The following ANKEF1 variants were observed in gnomAD, a reference collection of about 807,000 sequenced individuals.
ANKEF1 encodes the protein ankyrin repeat and EF-hand domain-containing protein 1.
ANKEF1 carries 43 observed loss-of-function variants against 65.1 expected under a neutral mutation model. That is an observed-to-expected ratio of 0.66 (90% CI 0.52 to 0.85). The LOEUF is 0.85. ANKEF1 is among the 40% of genes least tolerant of loss of function. The pLI is 0.00. For missense variants in ANKEF1, 934 were observed against 952.9 expected, an observed-to-expected ratio of 0.98 and a Z score of 0.26; for synonymous variants, 316 against 341.5, an observed-to-expected ratio of 0.93 and a Z score of 0.82.
intron 2 of ANKEF1, among the ~76,000 whole-genome samples, chr20:10,037,141 CTT>C (rs1983906024): frequency 1.3e-5 from 2 of 152,154 alleles, no homozygotes; most frequent in Admixed American, 6.5e-5. Flanking sequence ...AAGATGGAAT[CTT>C]TTCATTGCAA....
intron 3 of ANKEF1, among the ~76,000 whole-genome samples, chr20:10,039,542 G>C (rs1984051574): frequency 6.6e-6 from 1 of 152,122 alleles, no homozygotes; most frequent in South Asian, 2.1e-4. Flanking sequence ...AACAAAAGAG[G>C]ACAAAGAAAA....
At chr20:10,038,166 C>G (rs1983966302) in intron 2 of ANKEF1, 92 bp from the exon 3 acceptor site, 5 of 520,022 alleles carry the variant, frequency 9.6e-6, no homozygotes, top group Non-Finnish European at 1.7e-5. Flanking sequence ...AAAACAATCT[C>G]TGTTCTTAAG....
At chr20:10,048,285 T>C (rs1984637960) in intron 6 of ANKEF1, among the ~76,000 whole-genome samples, 1 of 152,066 alleles carries the variant, frequency 6.6e-6, no homozygotes, top group Non-Finnish European at 1.5e-5. Flanking sequence ...ACTTTTTATT[T>C]TTTTGATAGT....
chr20:10,038,218 A>G (rs1490022078), intron 2 of ANKEF1, 40 bp from the exon 3 acceptor site: 2 of 848,316 alleles, frequency 2.4e-6, no homozygotes, highest in Non-Finnish European at 3.5e-6. Context: ...TGAAGATGAT[A>G]AAATTAACTT....
intron 10 of ANKEF1, 131 bp from the exon 11 acceptor site, chr20:10,055,371 T>G (rs1985085480): frequency 2.6e-6 from 2 of 780,308 alleles, no homozygotes; most frequent in Non-Finnish European, 4.0e-6. Flanking sequence ...AAAGTAAATT[T>G]AATAGTTTTA....
intron 7 of ANKEF1, 78 bp from the exon 8 acceptor site, chr20:10,051,585 G>A (rs1175809965): frequency 1.1e-5 from 13 of 1,137,416 alleles, no homozygotes; most frequent in Admixed American, 2.2e-5. Context: ...AGAACTCTAT[G>A]AAATCTTACT....
At chr20:10,036,991 G>A (rs982797442) in intron 2 of ANKEF1, among the ~76,000 whole-genome samples, 2 of 152,122 alleles carry the variant, frequency 1.3e-5, no homozygotes, top group African/African-American at 4.8e-5. Flanking sequence ...CATTGGTGTT[G>A]GATGGAAGCA....
intron 8 of ANKEF1, 79 bp downstream of exon 8, chr20:10,051,968 C>A: frequency 8.9e-7 from 1 of 1,128,000 alleles, no homozygotes; most frequent in Non-Finnish European, 1.2e-6. Context: ...TGATTCTATT[C>A]TCGTAGGCTT....
Position 10,053,215 on chromosome 20 carries a change from A to C in ANKEF1, c.1974A>C (p.Lys658Asn). The C allele has an allele frequency of 1.2e-6, 2 of 1,613,674 alleles. No individual in the cohort carries two copies. The highest frequency in any genetic ancestry group is 1.1e-5 in the South Asian group (1 of 91,024). Residue 658 changes from lysine (K) to asparagine (N), a missense_variant, in exon 9 of 11, where the codon AAA becomes AAC. Lys to Asn is a moderately conservative substitution (Grantham distance 94, BLOSUM62 0). Coordinates refer to ENST00000378392, the MANE Select transcript of ANKEF1 (RefSeq NM_022096.6). ...DNLPKPAENQ[K>N]LKGKTPPILK... is the part of the protein sequence containing the mutation. ...TGCCGAAACCAGCAGAAAATCAAAAACTAAAAGGCAAGACACCTCCTATAC... is the reference window on the plus strand; with the variant it reads ...TGCCGAAACCAGCAGAAAATCAAAACCTAAAAGGCAAGACACCTCCTATAC...
At chr20:10,043,374 A>C in intron 4 of ANKEF1, 53 bp downstream of exon 4, 1 of 1,517,610 alleles carries the variant, frequency 6.6e-7, no homozygotes, top group Non-Finnish European at 9.1e-7. Flanking sequence ...ACAGCATAGT[A>C]TAATCTTTTC....
At position 10,051,832 on chromosome 20, in the gene ANKEF1, G is replaced by A. The variant is rs1568516713; in HGVS notation, c.1813G>A (p.Asp605Asn). Residue 605 changes from aspartate (D) to asparagine (N), a missense_variant, in exon 8 of 11, where the codon GAT becomes AAT. By Grantham distance (23) the Asp-to-Asn change is conservative. Coordinates refer to ENST00000378392, the MANE Select transcript of ANKEF1 (RefSeq NM_022096.6). ...TAGAGCCATTGAAAGCTGCAGACTGGATACAGTAAAATACCTACTTGATAT... is the reference window on the plus strand; with the variant it reads ...TAGAGCCATTGAAAGCTGCAGACTGAATACAGTAAAATACCTACTTGATAT... ...LNRAIESCRL[D>N]TVKYLLDIGA... 15 of 1,613,268 alleles carry A rather than the reference G, an allele frequency of 9.3e-6. No homozygotes were observed. Among genetic ancestry groups the A allele is most frequent in the Non-Finnish European group, 1.2e-5 (14 of 1,179,786 alleles).
At chr20:10,047,084 C>A (rs934320711) in intron 6 of ANKEF1, among the ~76,000 whole-genome samples, 1 of 152,136 alleles carries the variant, frequency 6.6e-6, no homozygotes, top group Non-Finnish European at 1.5e-5. Context: ...CAAGTTGAGA[C>A]GAATTTCTTT....
At chr20:10,041,140 T>G (rs1984164182) in intron 3 of ANKEF1, among the ~76,000 whole-genome samples, 2 of 151,962 alleles carry the variant, frequency 1.3e-5, no homozygotes, top group Admixed American at 6.5e-5. Context: ...TTTTATATTG[T>G]GAAGGCAAAA....
Position 10,051,821 on chromosome 20 carries a change from G to T in ANKEF1, c.1802G>T (p.Ser601Ile), listed in dbSNP as rs1984874850. The change falls in exon 8 of 11, where the codon AGC (serine) becomes ATC (isoleucine). Residue 601 changes from serine to isoleucine, a missense_variant. Coordinates refer to ENST00000378392, the MANE Select transcript of ANKEF1 (RefSeq NM_022096.6). The part of the protein sequence containing the change: ...NSTPLNRAIE[S>I]CRLDTVKYLL... Reference sequence around the variant, plus strand: ...ACTCCTTTAAATAGAGCCATTGAAAGCTGCAGACTGGATACAGTAAAATAC... The same window carrying T: ...ACTCCTTTAAATAGAGCCATTGAAATCTGCAGACTGGATACAGTAAAATAC... 9.3e-6 allele frequency: 15 copies of T among 1,613,586 alleles called. No homozygotes were observed. Among genetic ancestry groups the T allele is most frequent in the Non-Finnish European group, 1.3e-5 (15 of 1,179,800 alleles).
chr20:10,049,634 C>T lies in ANKEF1; in HGVS notation c.1065C>T (p.Ser355=), dbSNP rs754876488. The stretch of plus-strand genomic sequence containing the variant: ...TAGACAGGGGTGATGGAAGCATCAG[C>T]AAGAACGACTTCGTGATGGTGTTGG... The part of the protein sequence containing the change: ...AVLDRGDGSI[S]KNDFVMVLEE... The change falls in exon 7 of 11, where the codon AGC becomes AGT. Residue 355 remains serine (S), a synonymous_variant. Coordinates refer to ENST00000378392, the MANE Select transcript of ANKEF1 (RefSeq NM_022096.6). 3.1e-6 allele frequency: 5 copies of T among 1,614,122 alleles called. No homozygotes were observed. In the East Asian group the frequency reaches 8.9e-5, roughly 29 times the overall value.
chr20:10,055,989 T>C lies in ANKEF1; in HGVS notation c.*329T>C, dbSNP rs1331368444. On this transcript the variant is annotated 3_prime_UTR_variant, in exon 11 of 11. Coordinates refer to ENST00000378392, the MANE Select transcript of ANKEF1 (RefSeq NM_022096.6). Reference sequence around the variant, plus strand: ...TTATTATTTTTTTAATTATCCTTTTTATTTATTAAATAGAGACAGAGTCTC... The same window carrying C: ...TTATTATTTTTTTAATTATCCTTTTCATTTATTAAATAGAGACAGAGTCTC... The C allele has an allele frequency of 5.2e-6, 1 of 191,904 alleles. No homozygotes were observed. Among genetic ancestry groups the C allele is most frequent in the African/African-American group, 2.3e-5 (1 of 42,918 alleles). The allele number at this position is 191,904 out of a possible 1,614,324, so 11.9% of individuals were successfully genotyped here.
In ANKEF1 at chr20:10,049,860, T is replaced by C. The variant is rs118040899; in HGVS notation, c.1291T>C (p.Leu431=). The part of the protein sequence containing the change: ...GKKGKKGKFV[L]PLPICVIPEY... ...AAAAGGAAAGAAAGGGAAATTTGTC[T>C]TACCCCTTCCAATCTGTGTCATTCC... The change falls in exon 7 of 11, where the codon TTA becomes CTA. Residue 431 remains leucine, a synonymous_variant. Transcript: ENST00000378392. 517 of 1,614,192 alleles carry C rather than the reference T, an allele frequency of 3.2e-4. 6 individuals are homozygous for C. In the East Asian group the frequency reaches 6.7e-3, roughly 21 times the overall value.
chr20:10,044,703 T>G (rs1476960295), intron 5 of ANKEF1, among the ~76,000 whole-genome samples, 160 bp downstream of exon 5: 1 of 152,232 alleles, frequency 6.6e-6, no homozygotes, highest in Non-Finnish European at 1.5e-5. Context: ...TAAAATTATA[T>G]TTTTAAAAAC....
chr20:10,038,717 C>A, intron 3 of ANKEF1, 70 bp downstream of exon 3: 1 of 1,245,642 alleles, frequency 8.0e-7, no homozygotes, highest in Non-Finnish European at 1.1e-6. Flanking sequence ...AACATGGACT[C>A]TTTTTGTTTT....
Sources: allele counts gnomAD v4.1 joint callset (sites outside exome capture counted in the v4.1 genomes callset), GRCh38; gene constraint gnomAD v4.1.1; transcripts MANE v1.5; gene names NCBI Gene and HGNC (gene_info 2026-07-23, HGNC 2026-07-21).